The following PCK1 variants were observed in gnomAD, a reference collection of about 807,000 sequenced individuals.
PCK1 encodes the protein phosphoenolpyruvate carboxykinase 1.
In PCK1, 44 loss-of-function variants were observed where a neutral mutation model predicts 50.3. The ratio of observed to expected loss-of-function variants is 0.87; its 90% CI spans 0.69 to 1.12. The LOEUF is 1.12. Among genes scored for constraint, PCK1 ranks in the 50% most tolerant of loss-of-function variants. PCK1 has a pLI of 0.00. For synonymous variants in PCK1, 332 were observed against 314.3 expected, an observed-to-expected ratio of 1.06 and a Z score of -0.59; for missense variants, 790 against 815.0, an observed-to-expected ratio of 0.97 and a Z score of 0.37.
intron 1 of PCK1, 32 bp downstream of exon 1, chr20:57,561,235 A>G: frequency 1.8e-6 from 1 of 545,862 alleles, no homozygotes; most frequent in Non-Finnish European, 3.3e-6. Context: ...CATTTTGAAA[A>G]ATTACAAAGA....
At position 57,567,246 on chromosome 20, in the gene PCK1, C is replaced by T. The variant is rs1021343394; in HGVS notation, c.*1442C>T. 2.0e-5 allele frequency: 3 copies of T among 152,220 alleles called. No homozygotes were observed. Among genetic ancestry groups the T allele is most frequent in the African/African-American group, 7.2e-5 (3 of 41,434 alleles). 9.4% of individuals were successfully genotyped at this position (152,220 alleles called of 1,614,324 possible). On this transcript the variant is annotated 3_prime_UTR_variant, in exon 10 of 10. Coordinates refer to ENST00000319441, the MANE Select transcript of PCK1 (RefSeq NM_002591.4). Reference sequence around the variant, plus strand: ...TGTTCTTATGTCACACTCCACCCCTCCAGTCTCCTCAACTGGAAAACTTGC... The same window carrying T: ...TGTTCTTATGTCACACTCCACCCCTTCAGTCTCCTCAACTGGAAAACTTGC...
At position 57,565,609 on chromosome 20, in the gene PCK1, C is replaced by T. The variant is rs115841045; in HGVS notation, c.1674C>T (p.Ile558=). The part of the protein sequence containing the change: ...ASTKLTPIGY[I]PKEDALNLKG... ...CCAAGCTCACGCCCATAGGCTACAT[C>T]CCCAAGGAGGATGCCCTGAACCTGA... The change falls in exon 10 of 10, where the codon ATC becomes ATT. Residue 558 remains isoleucine, a synonymous_variant. Coordinates refer to ENST00000319441, the MANE Select transcript of PCK1 (RefSeq NM_002591.4). 2.1e-3 allele frequency: 3,326 copies of T among 1,614,190 alleles called. 50 individuals are homozygous for T. The African/African-American group carries it at 0.039, about 19-fold the overall frequency.
rs923363491 is a variant in PCK1 at position 57,566,170 on chromosome 20, T to TGC, written c.*367_*368insCG. 1.2e-5 allele frequency: 2 copies of TGC among 170,466 alleles called. No homozygotes were observed. Among genetic ancestry groups the TGC allele is most frequent in the African/African-American group, 5.0e-5 (2 of 40,080 alleles). 10.6% of individuals were successfully genotyped at this position (170,466 alleles called of 1,614,324 possible). On this transcript the variant is annotated 3_prime_UTR_variant, in exon 10 of 10. Coordinates refer to ENST00000319441, the MANE Select transcript of PCK1 (RefSeq NM_002591.4). The stretch of plus-strand genomic sequence containing the variant: ...TGAGCTGTATATATATATGTGTGTG[T>TGC]GTGTGTGTGTGTGTGTGTGTGTGTG...
In PCK1 at chr20:57,565,699, G is replaced by C. The variant is rs367756890; in HGVS notation, c.1764G>C (p.Glu588Asp). Residue 588 changes from glutamate (E) to aspartate (D), a missense_variant, in exon 10 of 10, where the codon GAG becomes GAC. Transcript: ENST00000319441. ...FSISKEFWEK[E>D]VEDIEKYLED... ...TCTCCAAGGAATTCTGGGAGAAGGA[G>C]GTGGAAGACATCGAGAAGTATCTGG... The C allele has an allele frequency of 1.9e-6, 3 of 1,613,746 alleles. No individual in the cohort carries two copies. In the African/African-American group the frequency reaches 4.0e-5, roughly 22 times the overall value.
Position 57,566,090 on chromosome 20 carries a change from G to A in PCK1, c.*286G>A. 1 of 373,736 alleles carries A rather than the reference G, an allele frequency of 2.7e-6. No individual in the cohort carries two copies. Among genetic ancestry groups the A allele is most frequent in the Non-Finnish European group, 4.9e-6 (1 of 205,856 alleles). The allele number at this position is 373,736 out of a possible 1,614,324, so 23.2% of individuals were successfully genotyped here. A position where few individuals can be genotyped will look rare whatever the true frequency, so the allele number is the denominator to read the frequency against. On this transcript the variant is annotated 3_prime_UTR_variant, in exon 10 of 10. Transcript: ENST00000319441. ...GGTTACTCAGGCATTGATCTTTTCA[G>A]TGTTTTTTCACTTTAGCTATGTGGA...
rs2070210418 is a variant in PCK1 at position 57,566,961 on chromosome 20, G to C, written c.*1157G>C. The stretch of plus-strand genomic sequence containing the variant: ...AGCAAGCATTAATTGAGCGCCTTCT[G>C]TATCCCGGACATCATGCCAACACCA... On this transcript the variant is annotated 3_prime_UTR_variant, in exon 10 of 10. Coordinates refer to ENST00000319441, the MANE Select transcript of PCK1 (RefSeq NM_002591.4). The C allele has an allele frequency of 6.6e-6, 1 of 152,220 alleles. No homozygotes were observed. Among genetic ancestry groups the C allele is most frequent in the African/African-American group, 2.4e-5 (1 of 41,440 alleles). The allele number at this position is 152,220 out of a possible 1,614,324, so 9.4% of individuals were successfully genotyped here. A position where few individuals can be genotyped will look rare whatever the true frequency, so the allele number is the denominator to read the frequency against.
chr20:57,561,504 C>G lies in PCK1; in HGVS notation c.93C>G (p.Leu31=). The change falls in exon 2 of 10, where the codon CTC becomes CTG. Residue 31 remains leucine, a synonymous_variant. Coordinates refer to ENST00000319441, the MANE Select transcript of PCK1 (RefSeq NM_002591.4). The part of the protein sequence containing the change: ...DSLPQAVREF[L]ENNAELCQPD... The stretch of plus-strand genomic sequence containing the variant: ...TACCCCAGGCAGTGAGGGAGTTTCT[C>G]GAGAATAACGCTGAGCTGTGTCAGC... 1.9e-6 allele frequency: 3 copies of G among 1,613,740 alleles called. No homozygotes were observed. Among genetic ancestry groups the G allele is most frequent in the Non-Finnish European group, 2.5e-6 (3 of 1,179,766 alleles).
In PCK1 at chr20:57,563,625, G is replaced by A. The variant is rs747837917; in HGVS notation, c.859G>A (p.Ala287Thr). 2.5e-5 allele frequency: 40 copies of A among 1,613,076 alleles called. 1 individual carries two copies. In the East Asian group the frequency reaches 4.2e-4, roughly 17 times the overall value. ...KKYLAAAFPS[A>T]CGKTNLAMMN... ...GTACCTGGCGGCCGCATTTCCCAGCGCCTGCGGGAAGACCAACCTGGCCAT... is the reference window on the plus strand; with the variant it reads ...GTACCTGGCGGCCGCATTTCCCAGCACCTGCGGGAAGACCAACCTGGCCAT... The change falls in exon 6 of 10, where the codon GCC (alanine) becomes ACC (threonine). Residue 287 changes from alanine to threonine, a missense_variant. Coordinates refer to ENST00000319441, the MANE Select transcript of PCK1 (RefSeq NM_002591.4).
At chr20:57,565,166 A>C in intron 9 of PCK1, 31 bp downstream of exon 9, 1 of 1,545,564 alleles carries the variant, frequency 6.5e-7, no homozygotes, top group Middle Eastern at 1.7e-4. Flanking sequence ...GAAACCACAG[A>C]GAAGTGGGAT....
Position 57,565,100 on chromosome 20 carries a change from T to C in PCK1, c.1379T>C (p.Met460Thr). 1 of 1,613,366 alleles carries C rather than the reference T, an allele frequency of 6.2e-7. No individual in the cohort carries two copies. The highest frequency in any genetic ancestry group is 1.1e-5 in the South Asian group (1 of 91,056). ...CATGGAGTCTTTGTGGGGGCGGCCA[T>C]GAGATCAGAGGCCACAGCGGCTGCA... is the stretch of plus-strand genomic sequence containing the variant. ...WQHGVFVGAA[M>T]RSEATAAAEH... Residue 460 changes from methionine (M) to threonine (T), a missense_variant, in exon 9 of 10, where the codon ATG becomes ACG. By Grantham distance (81) the Met-to-Thr change is moderately conservative. Coordinates refer to ENST00000319441, the MANE Select transcript of PCK1 (RefSeq NM_002591.4).
intron 4 of PCK1, 57 bp downstream of exon 4, chr20:57,562,956 C>T (rs2070163150): frequency 6.3e-7 from 1 of 1,577,430 alleles, no homozygotes; most frequent in African/African-American, 1.3e-5. Flanking sequence ...TGAACGCAAA[C>T]CCCAGTGAGT....
rs1375211231 is a variant in PCK1, at chr20:57,565,062, T to C, written c.1341T>C (p.Ala447=). 2 of 1,613,736 alleles carry C rather than the reference T, an allele frequency of 1.2e-6. No individual in the cohort carries two copies. Among genetic ancestry groups the C allele is most frequent in the Non-Finnish European group, 1.7e-6 (2 of 1,179,772 alleles). Residue 447 remains alanine (A), a synonymous_variant, in exon 9 of 10, where the codon GCT becomes GCC. Coordinates refer to ENST00000319441, the MANE Select transcript of PCK1 (RefSeq NM_002591.4). Reference sequence around the variant, plus strand: ...AAGGTGTCCCTCTAGTCTATGAAGCTCTCAGCTGGCAACATGGAGTCTTTG... The same window carrying C: ...AAGGTGTCCCTCTAGTCTATGAAGCCCTCAGCTGGCAACATGGAGTCTTTG... The part of the protein sequence containing the change: ...RPAGVPLVYE[A]LSWQHGVFVG...
At position 57,563,619 on chromosome 20, in the gene PCK1, C is replaced by A; in HGVS notation, c.853C>A (p.Pro285Thr). The A allele has an allele frequency of 6.2e-7, 1 of 1,612,892 alleles. No homozygotes were observed. ...GEKKYLAAAF[P>T]SACGKTNLAM... ...GAAGAAGTACCTGGCGGCCGCATTT[C>A]CCAGCGCCTGCGGGAAGACCAACCT... Residue 285 changes from proline (P) to threonine (T), a missense_variant, in exon 6 of 10, where the codon CCC becomes ACC. By Grantham distance (38) the Pro-to-Thr change is conservative. Transcript: ENST00000319441.
chr20:57,564,059 G>A, intron 6 of PCK1, 110 bp from the exon 7 acceptor site: 1 of 719,802 alleles, frequency 1.4e-6, no homozygotes, highest in Non-Finnish European at 2.3e-6. Context: ...TTCTAGGGAG[G>A]GAAAAAAGAT....
chr20:57,565,208 T>A (rs762683603), intron 9 of PCK1, 73 bp downstream of exon 9: 168 of 1,331,660 alleles, frequency 1.3e-4, no homozygotes, highest in Admixed American at 4.9e-4. Context: ...TATGTCTCTC[T>A]CCTTTTCTGT....
At position 57,565,769 on chromosome 20, in the gene PCK1, A is replaced by G; in HGVS notation, c.1834A>G (p.Ile612Val). ...ADLPCEIERE[I>V]LALKQRISQM is the part of the protein sequence containing the mutation. ...CCTCCCCTGTGAAATCGAGAGAGAG[A>G]TCCTTGCCTTGAAGCAAAGAATAAG... Residue 612 changes from isoleucine to valine, a missense_variant, in exon 10 of 10, where the codon ATC becomes GTC. Transcript: ENST00000319441. 6.2e-7 allele frequency: 1 copy of G among 1,612,658 alleles called. No individual in the cohort carries two copies. Among genetic ancestry groups the G allele is most frequent in the Non-Finnish European group, 8.5e-7 (1 of 1,179,500 alleles).
rs745721518 is a variant in PCK1 at position 57,564,998 on chromosome 20, AAAGCCTCT to A, written c.1319-41_1319-34del. 1.7e-5 allele frequency: 25 copies of A among 1,435,180 alleles called. No homozygotes were observed. The Admixed American group carries it at 2.9e-4, about 17-fold the overall frequency. 88.9% of individuals were successfully genotyped at this position (1,435,180 alleles called of 1,614,324 possible). On this transcript the variant is annotated intron_variant, in intron 8 of 9. Coordinates refer to ENST00000319441, the MANE Select transcript of PCK1 (RefSeq NM_002591.4). ...CCACTGGTTGTGGAGTCTGAATTTC[AAAGCCTCT>A]GATGAACATTTCTCTTTTTTTTTCC... is the stretch of plus-strand genomic sequence containing the variant.
rs2146531818 is a variant in PCK1 at position 57,566,060 on chromosome 20, T to A, written c.*256T>A. On this transcript the variant is annotated 3_prime_UTR_variant, in exon 10 of 10. Coordinates refer to ENST00000319441, the MANE Select transcript of PCK1 (RefSeq NM_002591.4). ...ACATCCAATGCATAGTTTGTTCAAA[T>A]TTAAGGTTACTCAGGCATTGATCTT... 1 of 449,354 alleles carries A rather than the reference T, an allele frequency of 2.2e-6. No homozygotes were observed. The highest frequency in any genetic ancestry group is 4.0e-6 in the Non-Finnish European group (1 of 252,928). 27.8% of individuals were successfully genotyped at this position (449,354 alleles called of 1,614,324 possible).
In PCK1 at chr20:57,565,445, C is replaced by G; in HGVS notation, c.1510C>G (p.Pro504Ala). The G allele has an allele frequency of 6.2e-7, 1 of 1,614,164 alleles. No individual in the cohort carries two copies. The highest frequency in any genetic ancestry group is 8.5e-7 in the Non-Finnish European group (1 of 1,179,996). Residue 504 changes from proline (P) to alanine (A), a missense_variant, in exon 10 of 10, where the codon CCA becomes GCA. Coordinates refer to ENST00000319441, the MANE Select transcript of PCK1 (RefSeq NM_002591.4). ...CCACTGGCTTAGCATGGCCCAGCACCCAGCAGCCAAACTGCCCAAGATCTT... is the reference window on the plus strand; with the variant it reads ...CCACTGGCTTAGCATGGCCCAGCACGCAGCAGCCAAACTGCCCAAGATCTT... ...LAHWLSMAQH[P>A]AAKLPKIFHV...
Sources: allele counts gnomAD v4.1 joint callset, GRCh38; gene constraint gnomAD v4.1.1; transcripts MANE v1.5; gene names NCBI Gene and HGNC (gene_info 2026-07-23, HGNC 2026-07-21).